Variants in DNAH3 observed in about 807,000 individuals in gnomAD.
The protein encoded by DNAH3 is axonemal beta dynein heavy chain 3.
A neutral mutation model predicts 432.5 loss-of-function variants in DNAH3; 332 were observed. The ratio of observed to expected loss-of-function variants is 0.77; its 90% CI spans 0.70 to 0.84. The LOEUF is 0.84. Ranked by LOEUF, DNAH3 falls within the 40% of genes least tolerant of loss-of-function variation. The probability of loss-of-function intolerance (pLI) is 0.00; values close to 1 mark genes in which losing one functional copy is unlikely to be tolerated. For missense variants in DNAH3, 4,861 were observed against 5,114.0 expected (o/e 0.95, Z 1.51); for synonymous variants, 1,956 against 1,900.2 (o/e 1.03, Z -0.76).
chr16:21,135,510 T>C (rs890927743), intron 6 of DNAH3, among the ~76,000 whole-genome samples: 2 of 152,084 alleles, frequency 1.3e-5, no homozygotes, highest in East Asian at 3.9e-4. Flanking sequence ...CTGGCCAACA[T>C]GGCGAAACCT....
At chr16:21,050,076 G>T in intron 29 of DNAH3, 58 bp from the exon 30 acceptor site, 1 of 1,254,566 alleles carries the variant, frequency 8.0e-7, no homozygotes, top group Non-Finnish European at 1.1e-6. Context: ...GAAAGAAACC[G>T]GCTTTTCATT....
intron 61 of DNAH3, among the ~76,000 whole-genome samples, chr16:20,934,582 G>A (rs1412254934): frequency 6.6e-6 from 1 of 152,136 alleles, no homozygotes; most frequent in African/African-American, 2.4e-5. Flanking sequence ...GGGTGTATGG[G>A]TACTCAAGGT....
Position 20,954,796 on chromosome 16 carries a change from G to A in DNAH3, c.11071+17C>T, listed in dbSNP as rs369043412. ...ATCCTTTCCCTCAGGCCACTCAGGTGCACTGTCATCGCTTACCTAGGGGGC... is the reference window on the plus strand; with the variant it reads ...ATCCTTTCCCTCAGGCCACTCAGGTACACTGTCATCGCTTACCTAGGGGGC... On this transcript the variant is annotated intron_variant, in intron 55 of 61. Coordinates refer to ENST00000261383, the Ensembl canonical transcript of DNAH3. The A allele has an allele frequency of 3.1e-5, 50 of 1,612,372 alleles. 2 individuals are homozygous for A. Among genetic ancestry groups the A allele is most frequent in the African/African-American group, 3.1e-4 (23 of 74,902 alleles).
intron 36 of DNAH3, among the ~76,000 whole-genome samples, chr16:21,033,044 G>A (rs895047357): frequency 6.6e-6 from 1 of 152,108 alleles, no homozygotes; most frequent in African/African-American, 2.4e-5. Flanking sequence ...ATAGCTCACT[G>A]CAGCCACAAA....
chr16:21,039,803 C>T, intron 33 of DNAH3, 49 bp downstream of exon 33: 1 of 1,355,248 alleles, frequency 7.4e-7, no homozygotes, highest in Non-Finnish European at 1.1e-6. Context: ...ACGCAAAAAG[C>T]CGCTATTTAA....
intron 52 of DNAH3, 30 bp downstream of exon 52, chr16:20,969,762 G>A (rs750728828): frequency 1.2e-6 from 2 of 1,612,908 alleles, no homozygotes; most frequent in Admixed American, 3.3e-5. Context: ...AGAGCAGCCT[G>A]TGCAGGCATC....
At chr16:21,016,883 A>G (rs1191050738) in intron 41 of DNAH3, among the ~76,000 whole-genome samples, 1 of 152,214 alleles carries the variant, frequency 6.6e-6, no homozygotes, top group Non-Finnish European at 1.5e-5. Flanking sequence ...ACATTATGCT[A>G]AGTAAAATAA....
At chr16:21,057,898 T>C (rs959743676) in intron 27 of DNAH3, among the ~76,000 whole-genome samples, 188 bp downstream of exon 27, 4 of 152,188 alleles carry the variant, frequency 2.6e-5, no homozygotes, top group Non-Finnish European at 5.9e-5. Context: ...TCTCGTACCA[T>C]AGAATTGCAG....
At chr16:20,956,050 C>A (rs2084549666) in intron 54 of DNAH3, among the ~76,000 whole-genome samples, 1 of 152,010 alleles carries the variant, frequency 6.6e-6, no homozygotes, top group African/African-American at 2.4e-5. Context: ...GCCTCAGCCT[C>A]CCGAGTAGCT....
rs529118463 is a variant in DNAH3, at chr16:21,067,213, A to G, written c.3518+70T>C. On this transcript the variant is annotated intron_variant, in intron 24 of 61. Coordinates refer to ENST00000261383, the Ensembl canonical transcript of DNAH3. ...AGATTGGTTGAAGCCAACTCTTGGC[A>G]TGAAAAATGTAATTCTACCTACATA... is the stretch of plus-strand genomic sequence containing the variant. The G allele has an allele frequency of 1.8e-4, 283 of 1,572,552 alleles. 1 individual carries two copies. In the East Asian group the frequency reaches 4.9e-3, roughly 27 times the overall value.
At chr16:21,080,115 G>A (rs2091128780) in intron 20 of DNAH3, among the ~76,000 whole-genome samples, 1 of 142,832 alleles carries the variant, frequency 7.0e-6, no homozygotes, top group Non-Finnish European at 1.6e-5. Flanking sequence ...TGGCCAATGT[G>A]GTGAAACCCC....
chr16:21,157,197 A>G (rs1200663170), intron 1 of DNAH3, among the ~76,000 whole-genome samples: 1 of 152,026 alleles, frequency 6.6e-6, no homozygotes, highest in East Asian at 1.9e-4. Flanking sequence ...TTATCATATC[A>G]TTGTCGTGAT....
intron 53 of DNAH3, among the ~76,000 whole-genome samples, chr16:20,959,610 A>AACACAC (rs55757849): frequency 0.022 from 3,005 of 137,576 alleles, 32 homozygotes; most frequent in Non-Finnish European, 0.031. Context: ...TCTCTATTTA[A>AACACAC]ACACACACAC....
intron 1 of DNAH3, among the ~76,000 whole-genome samples, chr16:21,152,369 T>C (rs189604866): frequency 9.5e-4 from 145 of 152,376 alleles, no homozygotes; most frequent in African/African-American, 3.4e-3. Context: ...AACCTACCTG[T>C]CCAGAACACA....
chr16:21,159,295 T>C, intron 1 of DNAH3: 1 of 1,584,142 alleles, frequency 6.3e-7, no homozygotes, highest in South Asian at 1.1e-5. Context: ...TCAGTCTCTG[T>C]GCCTTCTGGG....
At chr16:20,961,113 C>A (rs1390885242) in intron 53 of DNAH3, among the ~76,000 whole-genome samples, 1 of 152,162 alleles carries the variant, frequency 6.6e-6, no homozygotes, top group Non-Finnish European at 1.5e-5. Flanking sequence ...GAGGGGCAGG[C>A]AGCACATAAA....
At chr16:21,070,795 A>G in exon 22 of DNAH3, 1 of 1,611,968 alleles carries the variant, frequency 6.2e-7, no homozygotes, top group South Asian at 1.1e-5. Context: ...TAGCATTTGA[A>G]TGTCATCAAT....
At chr16:21,110,348 T>G (rs913321499) in intron 14 of DNAH3, among the ~76,000 whole-genome samples, 5 of 152,180 alleles carry the variant, frequency 3.3e-5, no homozygotes, top group Admixed American at 3.3e-4. Context: ...ACAAACGACC[T>G]AAGTCAGGCC....
chr16:21,085,728 T>A (rs1177775018), intron 19 of DNAH3, among the ~76,000 whole-genome samples: 3 of 152,000 alleles, frequency 2.0e-5, no homozygotes, highest in African/African-American at 7.3e-5. Context: ...AACAAAGTGC[T>A]CCTTGTCACT....
Sources: allele counts gnomAD v4.1 joint callset (sites outside exome capture counted in the v4.1 genomes callset), GRCh38; gene constraint gnomAD v4.1.1; transcripts MANE v1.5; gene names NCBI Gene and HGNC (gene_info 2026-07-23, HGNC 2026-07-21).